MAML1: variants seen among roughly 807,000 people sequenced by gnomAD.
MAML1 encodes mastermind-like protein 1.
MAML1 carries 14 observed loss-of-function variants against 77.1 expected under a neutral mutation model. The ratio of observed to expected loss-of-function variants is 0.18; its 90% CI spans 0.12 to 0.28. The LOEUF is 0.28. Ranked by LOEUF, MAML1 falls within the 10% of genes least tolerant of loss-of-function variation. The probability of loss-of-function intolerance (pLI) is 1.00; values close to 1 mark genes in which losing one functional copy is unlikely to be tolerated. For missense variants in MAML1, 1,217 were observed against 1,327.8 expected (o/e 0.92, Z 1.30); for synonymous variants, 516 against 551.9 (o/e 0.93, Z 0.91).
chr5:179,750,025 C>T (rs1779455634), intron 1 of MAML1, among the ~76,000 whole-genome samples: 1 of 152,254 alleles, frequency 6.6e-6, no homozygotes, highest in African/African-American at 2.4e-5. Flanking sequence ...CAGATCACAA[C>T]CTGGAGATTG....
In MAML1 at chr5:179,765,728, C is replaced by G. The variant is rs1326489713; in HGVS notation, c.718C>G (p.Leu240Val). 1 of 1,613,988 alleles carries G rather than the reference C, an allele frequency of 6.2e-7. No homozygotes were observed. The highest frequency in any genetic ancestry group is 1.1e-5 in the South Asian group (1 of 91,064). ...TGTCGGCTCCATATCGCAAAGCAAC[C>G]TCATGCCAGACCTCAACCTTAACGA... is the stretch of plus-strand genomic sequence containing the variant. Reference protein sequence around the residue: ...GTVGSISQSNLMPDLNLNEQE... With the variant: ...GTVGSISQSNVMPDLNLNEQE... The change falls in exon 2 of 5, where the codon CTC becomes GTC. Residue 240 changes from leucine to valine, a missense_variant. By Grantham distance (32) the Leu-to-Val change is conservative. This residue lies in a region of MAML1 where 21 missense variants were observed against 47.1 expected (regional missense o/e 0.45). Coordinates refer to ENST00000292599, the MANE Select transcript of MAML1 (RefSeq NM_014757.5).
rs1164392063 is a variant in MAML1, at chr5:179,774,613, T to G, written c.2787T>G (p.Pro929=). The G allele has an allele frequency of 6.2e-7, 1 of 1,612,080 alleles. No homozygotes were observed. Among genetic ancestry groups the G allele is most frequent in the South Asian group, 1.1e-5 (1 of 91,000 alleles). ...PPPTAPQQGL[P]GLSPAGPELG... is the part of the protein sequence containing the mutation. Reference sequence around the variant, plus strand: ...CAACAGCCCCTCAGCAGGGCTTGCCTGGCCTGAGCCCAGCAGGGCCTGAGC... The same window carrying G: ...CAACAGCCCCTCAGCAGGGCTTGCCGGGCCTGAGCCCAGCAGGGCCTGAGC... The change falls in exon 5 of 5, where the codon CCT becomes CCG. Residue 929 remains proline, a synonymous_variant. Coordinates refer to ENST00000292599, the MANE Select transcript of MAML1 (RefSeq NM_014757.5).
At chr5:179,739,739 G>A (rs1423716410) in intron 1 of MAML1, among the ~76,000 whole-genome samples, 15 of 152,096 alleles carry the variant, frequency 9.9e-5, no homozygotes, top group East Asian at 1.9e-4. Flanking sequence ...TCTATCATAC[G>A]AAGTATTGTA....
chr5:179,770,005 C>T (rs1755945070), intron 3 of MAML1, among the ~76,000 whole-genome samples: 1 of 152,204 alleles, frequency 6.6e-6, no homozygotes, highest in African/African-American at 2.4e-5. Flanking sequence ...ACAATTTAGT[C>T]ATTTTTAGTA....
Position 179,777,074 on chromosome 5 carries a change from G to C in MAML1, c.*2197G>C. 9 of 984,430 alleles carry C rather than the reference G, an allele frequency of 9.1e-6. No individual in the cohort carries two copies. The highest frequency in any genetic ancestry group is 1.1e-5 in the Non-Finnish European group (9 of 828,664). The allele number at this position is 984,430 out of a possible 1,614,324, so 61.0% of individuals were successfully genotyped here. On this transcript the variant is annotated 3_prime_UTR_variant, in exon 5 of 5. Coordinates refer to ENST00000292599, the MANE Select transcript of MAML1 (RefSeq NM_014757.5). ...TTACTTTTATAGATTTTAAAACTAT[G>C]ATCCTTTATATGTGTGTTTTGGGGG...
intron 1 of MAML1, among the ~76,000 whole-genome samples, chr5:179,764,726 C>T (rs1200030078): frequency 6.6e-6 from 1 of 151,452 alleles, no homozygotes; most frequent in African/African-American, 2.4e-5. Flanking sequence ...CTTTGGGAGG[C>T]TGAGACGGGT....
Position 179,765,694 on chromosome 5 carries a change from C to T in MAML1, c.684C>T (p.Ile228=). 1 of 1,614,142 alleles carries T rather than the reference C, an allele frequency of 6.2e-7. No individual in the cohort carries two copies. Among genetic ancestry groups the T allele is most frequent in the South Asian group, 1.1e-5 (1 of 91,074 alleles). Residue 228 remains isoleucine, a synonymous_variant, in exon 2 of 5, where the codon ATC becomes ATT. Transcript: ENST00000292599. ...QEPVEDLPCM[I]TGTVGSISQS... ...CTGTCGAAGACCTGCCTTGCATGAT[C>T]ACTGGGACTGTCGGCTCCATATCGC...
intron 1 of MAML1, among the ~76,000 whole-genome samples, chr5:179,757,055 AGG>A (rs780828244): frequency 6.6e-6 from 1 of 152,062 alleles, no homozygotes; most frequent in Non-Finnish European, 1.5e-5. Context: ...CCTGAGCTCA[AGG>A]AACCACCCAC....
rs897216126 is a variant in MAML1 at position 179,773,991 on chromosome 5, G to A, written c.2165G>A (p.Gly722Asp). The A allele has an allele frequency of 1.2e-6, 2 of 1,614,112 alleles. No individual in the cohort carries two copies. Among genetic ancestry groups the A allele is most frequent in the Non-Finnish European group, 1.7e-6 (2 of 1,180,062 alleles). ...CAGGCTGGGAATCTGATGCCAATGG[G>A]CCCTGGACATGCTTCAGTTTCCTCT... ...FPQAGNLMPM[G>D]PGHASVSSLP... The change falls in exon 5 of 5, where the codon GGC (glycine) becomes GAC (aspartate). Residue 722 changes from glycine (G) to aspartate (D), a missense_variant. This residue lies in a region of MAML1 where 884 missense variants were observed against 949.3 expected (regional missense o/e 0.93). Coordinates refer to ENST00000292599, the MANE Select transcript of MAML1 (RefSeq NM_014757.5).
Position 179,741,006 on chromosome 5 carries a change from GATTTCAA to G in MAML1, c.315+7582_315+7588del, listed in dbSNP as rs765960382. Among the ~76,000 whole-genome samples, 63 of 152,272 alleles carry G rather than the reference GATTTCAA, an allele frequency of 4.1e-4. 1 individual carries two copies. Among genetic ancestry groups the G allele is most frequent in the Admixed American group, 5.9e-4 (9 of 15,280 alleles). The stretch of plus-strand genomic sequence containing the variant: ...ATCCCCAGTCCAGATCTGTCTTCCA[GATTTCAA>G]ATCCACATTTCCAGCTGTCTGCTGG... On this transcript the variant is annotated intron_variant, in intron 1 of 4. Coordinates refer to ENST00000292599, the MANE Select transcript of MAML1 (RefSeq NM_014757.5).
At chr5:179,743,897 T>C (rs1291547023) in intron 1 of MAML1, among the ~76,000 whole-genome samples, 1 of 152,158 alleles carries the variant, frequency 6.6e-6, no homozygotes, top group Non-Finnish European at 1.5e-5. Flanking sequence ...AGTTGCAGGG[T>C]ATATAACTTC....
intron 1 of MAML1, among the ~76,000 whole-genome samples, chr5:179,741,268 A>G (rs1779279517): frequency 6.6e-6 from 1 of 152,230 alleles, no homozygotes; most frequent in South Asian, 2.1e-4. Flanking sequence ...GTGAACCTGT[A>G]TCGCGGAGCC....
At chr5:179,748,302 G>A (rs1189627095) in intron 1 of MAML1, among the ~76,000 whole-genome samples, 2 of 151,958 alleles carry the variant, frequency 1.3e-5, no homozygotes, top group East Asian at 1.9e-4. Context: ...GGCTGGACTC[G>A]AACTCCTGAC....
At chr5:179,751,696 C>T (rs1321144723) in intron 1 of MAML1, among the ~76,000 whole-genome samples, 1 of 151,656 alleles carries the variant, frequency 6.6e-6, no homozygotes, top group Non-Finnish European at 1.5e-5. Context: ...CAGAGCGAGA[C>T]TCCATCTCAA....
intron 1 of MAML1, among the ~76,000 whole-genome samples, chr5:179,736,408 A>G (rs1051305234): frequency 1.3e-5 from 2 of 151,758 alleles, no homozygotes; most frequent in African/African-American, 4.8e-5. Context: ...TTGTGCCACC[A>G]CGCTCCCCTA....
intron 1 of MAML1, among the ~76,000 whole-genome samples, chr5:179,744,703 C>G (rs966556657): frequency 6.6e-6 from 1 of 151,618 alleles, no homozygotes; most frequent in East Asian, 1.9e-4. Flanking sequence ...TTAGTAGAGA[C>G]GAGGTTTCAC....
intron 1 of MAML1, among the ~76,000 whole-genome samples, chr5:179,750,774 A>G (rs1779473532): frequency 6.6e-6 from 1 of 151,918 alleles, no homozygotes; most frequent in African/African-American, 2.4e-5. Context: ...TATTGGATAA[A>G]TTGAATGAGA....
At chr5:179,764,401 C>T (rs933644427) in intron 1 of MAML1, among the ~76,000 whole-genome samples, 5 of 152,172 alleles carry the variant, frequency 3.3e-5, no homozygotes, top group Non-Finnish European at 5.9e-5. Context: ...TGGCTCACAC[C>T]TGTAATCCCA....
At chr5:179,746,042 AAAAC>A (rs1308254444) in intron 1 of MAML1, among the ~76,000 whole-genome samples, 21 of 150,032 alleles carry the variant, frequency 1.4e-4, no homozygotes, top group Non-Finnish European at 2.7e-4. Context: ...TCAAAAAAAA[AAAAC>A]AAAACCAAAA....
Sources: gnomAD v4.1 joint callset for allele counts (sites outside exome capture counted in the v4.1 genomes callset) on GRCh38, gnomAD v4.1.1 for gene constraint, gnomAD v4.1.1 regional missense constraint, MANE v1.5 for transcripts, NCBI Gene and HGNC (gene_info 2026-07-23, HGNC 2026-07-21) for gene names.